SPAG9: variants seen among roughly 807,000 people sequenced by gnomAD.
SPAG9 encodes C-Jun-amino-terminal kinase-interacting protein 4.
SPAG9 carries 35 observed loss-of-function variants against 166.5 expected under a neutral mutation model. That is an observed-to-expected ratio of 0.21 (90% CI 0.16 to 0.28). The LOEUF is 0.28. Among genes scored for constraint, SPAG9 ranks in the 10% least tolerant of loss-of-function variants. The probability of loss-of-function intolerance (pLI) is 1.00; values close to 1 mark genes in which losing one functional copy is unlikely to be tolerated. For missense variants in SPAG9, 1,235 were observed against 1,603.3 expected (o/e 0.77, Z 3.92); for synonymous variants, 534 against 565.5 (o/e 0.94, Z 0.79).
At chr17:51,053,861 A>G (rs2047269265) in intron 3 of SPAG9, among the ~76,000 whole-genome samples, 2 of 58,808 alleles carry the variant, frequency 3.4e-5, no homozygotes, top group South Asian at 5.5e-4. Context: ...AAAAGTATAT[A>G]TATATATATA....
chr17:51,103,096 A>G (rs1303836466), intron 1 of SPAG9, among the ~76,000 whole-genome samples: 1 of 152,180 alleles, frequency 6.6e-6, no homozygotes, highest in Non-Finnish European at 1.5e-5. Context: ...GTATATGCAA[A>G]AGTGAAAGGA....
chr17:51,014,532 T>C (rs1303504125), intron 8 of SPAG9, 179 bp from the exon 9 acceptor site: 3 of 496,414 alleles, frequency 6.0e-6, no homozygotes, highest in Non-Finnish European at 1.1e-5. Flanking sequence ...CTAAGCTCCA[T>C]GGAAATAGCT....
chr17:50,993,173 G>A (rs564660255), intron 19 of SPAG9, among the ~76,000 whole-genome samples: 62 of 150,662 alleles, frequency 4.1e-4, no homozygotes, highest in African/African-American at 1.5e-3. Context: ...ACAATTAGCC[G>A]GGCGTGGTGG....
intron 9 of SPAG9, among the ~76,000 whole-genome samples, chr17:51,013,625 A>C (rs2045579889): frequency 6.6e-6 from 1 of 152,186 alleles, no homozygotes; most frequent in Admixed American, 6.5e-5. Flanking sequence ...ACACACAAAG[A>C]AATTAAGGTC....
intron 27 of SPAG9, chr17:50,975,774 T>C (rs747709661): frequency 1.5e-5 from 15 of 984,846 alleles, no homozygotes; most frequent in Admixed American, 6.0e-5. Flanking sequence ...TTTAGGAACA[T>C]TCAAGAGGGT....
chr17:51,080,621 G>A (rs754119229), intron 1 of SPAG9, among the ~76,000 whole-genome samples: 3 of 152,070 alleles, frequency 2.0e-5, no homozygotes, highest in East Asian at 1.9e-4. Context: ...GGTGGCTCAC[G>A]CCTGTAATCC....
At position 51,102,132 on chromosome 17, in the gene SPAG9, T is replaced by C. The variant is rs1211672543; in HGVS notation, c.303+18222A>G. Among the ~76,000 whole-genome samples, 4 of 152,054 alleles carry C rather than the reference T, an allele frequency of 2.6e-5. No homozygotes were observed. In the East Asian group the frequency reaches 7.7e-4, roughly 29 times the overall value. On this transcript the variant is annotated intron_variant, in intron 1 of 29. Coordinates refer to ENST00000262013, the MANE Select transcript of SPAG9 (RefSeq NM_001130528.3). ...GCACAGTGGCTCACATTTGTAATCC[T>C]AGCATTTTGGGAGGCCAAGGTGGGC... is the stretch of plus-strand genomic sequence containing the variant.
intron 1 of SPAG9, among the ~76,000 whole-genome samples, chr17:51,097,641 A>C (rs1211109114): frequency 6.6e-6 from 1 of 152,158 alleles, no homozygotes; most frequent in Non-Finnish European, 1.5e-5. Flanking sequence ...TGAGATTGGC[A>C]TAAGTGTTGT....
chr17:50,990,477 C>G lies in SPAG9; in HGVS notation c.2590G>C (p.Ala864Pro), dbSNP rs1975448320. ...GGTGGTTTATCCATCACTGGAGAAG[C>G]ACCATTTGTACTAGGGGAAGTGGCA... The part of the protein sequence containing the change: ...GAATSPSTNG[A>P]SPVMDKPPEM... The change falls in exon 20 of 30, where the codon GCT (alanine) becomes CCT (proline). Residue 864 changes from alanine to proline, a missense_variant. Physicochemically the swap from Ala to Pro is conservative, Grantham distance 27. Around this residue, in one of 6 missense-constraint regions of SPAG9, gnomAD observed 493 missense variants for 559.4 expected, o/e 0.88. Transcript: ENST00000262013. 1 of 1,614,146 alleles carries G rather than the reference C, an allele frequency of 6.2e-7. No homozygotes were observed. Among genetic ancestry groups the G allele is most frequent in the Non-Finnish European group, 8.5e-7 (1 of 1,179,966 alleles).
chr17:51,104,406 G>A (rs1412596627), intron 1 of SPAG9, among the ~76,000 whole-genome samples: 1 of 152,110 alleles, frequency 6.6e-6, no homozygotes, highest in Non-Finnish European at 1.5e-5. Flanking sequence ...GGAGTCCAAG[G>A]TGGACGGATC....
At chr17:51,073,179 T>C (rs1446162695) in intron 2 of SPAG9, among the ~76,000 whole-genome samples, 4 of 151,694 alleles carry the variant, frequency 2.6e-5, no homozygotes, top group African/African-American at 9.7e-5. Context: ...AATGCAAAAA[T>C]TTTCCGGGCG....
At chr17:50,990,291 G>C in intron 20 of SPAG9, 159 bp downstream of exon 20, 1 of 635,134 alleles carries the variant, frequency 1.6e-6, no homozygotes. Flanking sequence ...GCCTCCCAGA[G>C]TGCTGGGATT....
chr17:50,994,852 C>T (rs1043785793), intron 18 of SPAG9, among the ~76,000 whole-genome samples: 8 of 152,172 alleles, frequency 5.3e-5, no homozygotes, highest in Non-Finnish European at 8.8e-5. Context: ...TGTCAAAACT[C>T]TGACCTATAC....
At position 51,002,772 on chromosome 17, in the gene SPAG9, CAACAACAACAAA is replaced by C. The variant is rs971607272; in HGVS notation, c.1477-939_1477-928del. Among the ~76,000 whole-genome samples the C allele has an allele frequency of 1.8e-4, 28 of 151,730 alleles. 1 individual carries two copies. Among genetic ancestry groups the C allele is most frequent in the East Asian group, 3.9e-4 (2 of 5,154 alleles). On this transcript the variant is annotated intron_variant, in intron 12 of 29. Coordinates refer to ENST00000262013, the MANE Select transcript of SPAG9 (RefSeq NM_001130528.3). ...ATCCTGTCTTTAAAAAACAAAACAA[CAACAACAACAAA>C]AACAACAACAAAAACAAACAGTAGG...
At chr17:51,059,424 T>A (rs1162299588) in intron 2 of SPAG9, among the ~76,000 whole-genome samples, 1 of 152,100 alleles carries the variant, frequency 6.6e-6, no homozygotes, top group Non-Finnish European at 1.5e-5. Context: ...TTGCTCTGAC[T>A]GTAGCATTCT....
chr17:50,978,335 T>C (rs1360620440), intron 26 of SPAG9, among the ~76,000 whole-genome samples: 1 of 152,220 alleles, frequency 6.6e-6, no homozygotes, highest in African/African-American at 2.4e-5. Context: ...TGCATGTGTA[T>C]ATATTCTAGG....
intron 4 of SPAG9, among the ~76,000 whole-genome samples, chr17:51,043,853 G>A (rs1253858189): frequency 4.6e-5 from 7 of 152,142 alleles, no homozygotes; most frequent in Admixed American, 4.6e-4. Context: ...TATTGAAAAA[G>A]TTTAAAACTA....
At chr17:51,083,495 C>T (rs1352974199) in intron 1 of SPAG9, among the ~76,000 whole-genome samples, 1 of 151,610 alleles carries the variant, frequency 6.6e-6, no homozygotes, top group Admixed American at 6.6e-5. Flanking sequence ...CCTCGGCCTC[C>T]CAAAGTGCTG....
chr17:50,983,016 G>A (rs929745949), intron 24 of SPAG9, among the ~76,000 whole-genome samples: 33 of 152,152 alleles, frequency 2.2e-4, no homozygotes, highest in African/African-American at 7.2e-4. Context: ...TGGGAATAAC[G>A]TCTCTCAGTC....
Sources: allele counts gnomAD v4.1 joint callset (sites outside exome capture counted in the v4.1 genomes callset), GRCh38; gene constraint gnomAD v4.1.1; regional missense constraint gnomAD v4.1.1; transcripts MANE v1.5; gene names NCBI Gene and HGNC (gene_info 2026-07-23, HGNC 2026-07-21).